ODAD2: variants seen among roughly 807,000 people sequenced by gnomAD.
ODAD2 encodes outer dynein arm-docking complex subunit 2.
ODAD2 carries 89 observed loss-of-function variants against 106.8 expected under a neutral mutation model. The observed-to-expected ratio is 0.83, with a 90% confidence interval of 0.70 to 0.99. The LOEUF (loss-of-function observed/expected upper bound fraction) is 0.99. Among genes scored for constraint, ODAD2 ranks in the 50% least tolerant of loss-of-function variants. The probability of loss-of-function intolerance (pLI) is 0.00; values close to 1 mark genes in which losing one functional copy is unlikely to be tolerated. For missense variants in ODAD2, 1,168 were observed against 1,238.5 expected (o/e 0.94, Z 0.85); for synonymous variants, 404 against 436.2 (o/e 0.93, Z 0.92).
intron 10 of ODAD2, among the ~76,000 whole-genome samples, chr10:27,948,062 T>C (rs910760778): frequency 6.6e-6 from 1 of 152,192 alleles, no homozygotes; most frequent in Non-Finnish European, 1.5e-5. Context: ...AACGGCCATT[T>C]AATTGCAGCA....
Position 27,971,236 on chromosome 10 carries a change from G to A in ODAD2, c.1014C>T (p.Ala338=). The change falls in exon 8 of 20, where the codon GCC becomes GCT. Residue 338 remains alanine, a synonymous_variant. Coordinates refer to ENST00000305242, the MANE Select transcript of ODAD2 (RefSeq NM_018076.5). ...CTGAACCAGAAATGTCTTTGCGGAG[G>A]GCAGCTGCTTCTTCCTTCTTGGGGG... The part of the protein sequence containing the change: ...GKAPKKEEAA[A]LRKDISGSDK... The A allele has an allele frequency of 6.2e-7, 1 of 1,613,766 alleles. No individual in the cohort carries two copies. The highest frequency in any genetic ancestry group is 2.2e-5 in the East Asian group (1 of 44,868).
At chr10:27,998,715 G>A (rs1355349124) in intron 1 of ODAD2, among the ~76,000 whole-genome samples, 1 of 152,154 alleles carries the variant, frequency 6.6e-6, no homozygotes, top group Non-Finnish European at 1.5e-5. Flanking sequence ...CAGCGGCGGG[G>A]CCAGAGAGCC....
intron 17 of ODAD2, among the ~76,000 whole-genome samples, chr10:27,887,518 A>G (rs1439938460): frequency 6.6e-6 from 1 of 152,064 alleles, no homozygotes; most frequent in Admixed American, 6.6e-5. Context: ...TAACAACAGC[A>G]GAATACTCAT....
intron 18 of ODAD2, among the ~76,000 whole-genome samples, chr10:27,861,110 G>A (rs1388072412): frequency 6.6e-5 from 10 of 152,128 alleles, no homozygotes; most frequent in Admixed American, 6.6e-4. Flanking sequence ...TCATGCCTCA[G>A]CCTCCCAAGT....
chr10:27,830,937 A>G (rs1252009985), intron 19 of ODAD2, among the ~76,000 whole-genome samples: 1 of 152,142 alleles, frequency 6.6e-6, no homozygotes. Flanking sequence ...CATCTTTTGG[A>G]TAAGTTTGGC....
intron 19 of ODAD2, among the ~76,000 whole-genome samples, chr10:27,847,031 C>A (rs1838824744): frequency 6.6e-6 from 1 of 152,152 alleles, no homozygotes; most frequent in South Asian, 2.1e-4. Flanking sequence ...TGAAACTATT[C>A]CAATCAATAG....
intron 10 of ODAD2, among the ~76,000 whole-genome samples, chr10:27,954,990 C>T (rs1026558755): frequency 6.6e-6 from 1 of 152,064 alleles, no homozygotes; most frequent in Non-Finnish European, 1.5e-5. Flanking sequence ...TGATTTCAAA[C>T]AAGCAATTAA....
rs567899870 is a variant in ODAD2, at chr10:27,994,178, AT to A, written c.224+740del. ...AGTTCACTGTTTGAGACAGAAGTAA[AT>A]TTTTTTTCATCTCAGATTTGAAAGG... On this transcript the variant is annotated intron_variant, in intron 2 of 19. Transcript: ENST00000305242. Among the ~76,000 whole-genome samples the A allele has an allele frequency of 2.8e-3, 430 of 151,780 alleles. 1 individual carries two copies. Among genetic ancestry groups the A allele is most frequent in the South Asian group, 0.018 (86 of 4,778 alleles).
chr10:27,964,212 A>C (rs1187128938), intron 9 of ODAD2, among the ~76,000 whole-genome samples: 1 of 152,152 alleles, frequency 6.6e-6, no homozygotes, highest in African/African-American at 2.4e-5. Context: ...ACACAGCAAC[A>C]CTCTGTAATA....
intron 2 of ODAD2, among the ~76,000 whole-genome samples, chr10:27,989,022 TGA>T (rs1014380934): frequency 6.6e-6 from 1 of 152,082 alleles, no homozygotes; most frequent in African/African-American, 2.4e-5. Context: ...CCATGAGCCA[TGA>T]GTCATGAGTC....
intron 2 of ODAD2, among the ~76,000 whole-genome samples, chr10:27,988,815 C>T (rs774706520): frequency 6.6e-6 from 1 of 152,076 alleles, no homozygotes; most frequent in African/African-American, 2.4e-5. Context: ...ATCCCCAAAA[C>T]CTATGAACAT....
At chr10:27,841,075 A>G (rs1313203000) in intron 19 of ODAD2, among the ~76,000 whole-genome samples, 1 of 152,216 alleles carries the variant, frequency 6.6e-6, no homozygotes, top group Non-Finnish European at 1.5e-5. Flanking sequence ...ATTTTGTAAC[A>G]TATATATGAG....
intron 17 of ODAD2, among the ~76,000 whole-genome samples, chr10:27,893,280 T>C (rs1449468853): frequency 6.6e-6 from 1 of 152,200 alleles, no homozygotes; most frequent in Non-Finnish European, 1.5e-5. Context: ...CACATACATC[T>C]GAAAATGTGT....
intron 17 of ODAD2, among the ~76,000 whole-genome samples, chr10:27,872,049 T>C (rs1173849078): frequency 1.3e-5 from 2 of 152,216 alleles, no homozygotes; most frequent in African/African-American, 4.8e-5. Flanking sequence ...TGGTTTGCAG[T>C]TCTCCTTGAA....
chr10:27,941,112 C>A (rs1846386583), intron 12 of ODAD2, among the ~76,000 whole-genome samples: 1 of 151,984 alleles, frequency 6.6e-6, no homozygotes, highest in Non-Finnish European at 1.5e-5. Flanking sequence ...CATCCTCAGC[C>A]CAAACATCTC....
chr10:27,818,652 T>C (rs953521256), intron 19 of ODAD2, among the ~76,000 whole-genome samples: 1 of 152,216 alleles, frequency 6.6e-6, no homozygotes, highest in South Asian at 2.1e-4. Context: ...ATTTGTTGTT[T>C]AGGTAATAGG....
In ODAD2 at chr10:27,936,628, A is replaced by T. The variant is rs1047394057; in HGVS notation, c.2252+98T>A. ...TCATCCAGAATGTACATCTACAACTAACATTAGAATTGACTCCTTACTAGA... is the reference window on the plus strand; with the variant it reads ...TCATCCAGAATGTACATCTACAACTTACATTAGAATTGACTCCTTACTAGA... On this transcript the variant is annotated intron_variant, in intron 15 of 19. Transcript: ENST00000305242. 24 of 1,297,284 alleles carry T rather than the reference A, an allele frequency of 1.9e-5. No homozygotes were observed. In the African/African-American group the frequency reaches 3.5e-4, roughly 19 times the overall value. 80.4% of individuals were successfully genotyped at this position (1,297,284 alleles called of 1,614,324 possible).
intron 19 of ODAD2, among the ~76,000 whole-genome samples, chr10:27,845,034 C>T (rs899031794): frequency 1.3e-5 from 2 of 152,070 alleles, no homozygotes; most frequent in African/African-American, 4.8e-5. Flanking sequence ...GCAAGGCAGG[C>T]CAACATTCAA....
intron 17 of ODAD2, among the ~76,000 whole-genome samples, chr10:27,870,489 T>C (rs1337732408): frequency 6.6e-6 from 1 of 152,172 alleles, no homozygotes; most frequent in Non-Finnish European, 1.5e-5. Context: ...TATCTCCTAA[T>C]GCTATCCCTC....
Sources: gnomAD v4.1 joint callset for allele counts (sites outside exome capture counted in the v4.1 genomes callset) on GRCh38, gnomAD v4.1.1 for gene constraint, MANE v1.5 for transcripts, NCBI Gene and HGNC (gene_info 2026-07-23, HGNC 2026-07-21) for gene names.